The following SCN11A variants were observed in gnomAD, a reference collection of about 807,000 sequenced individuals.
SCN11A encodes the protein sodium channel protein type 11 subunit alpha.
Under a neutral mutation model 162.2 loss-of-function variants are expected in SCN11A, and 122 were observed. The ratio of observed to expected loss-of-function variants is 0.75; its 90% CI spans 0.65 to 0.87. The LOEUF (loss-of-function observed/expected upper bound fraction) is 0.87, where lower values mean the gene tolerates loss of function less well. Among genes scored for constraint, SCN11A ranks in the 40% least tolerant of loss-of-function variants. SCN11A has a pLI of 0.00. For synonymous variants in SCN11A, 758 were observed against 751.5 expected, an observed-to-expected ratio of 1.01 and a Z score of -0.14; for missense variants, 2,015 against 2,181.6, an observed-to-expected ratio of 0.92 and a Z score of 1.52.
chr3:39,019,204 T>C (rs1337241934), intron 2 of SCN11A, among the ~76,000 whole-genome samples: 2 of 152,148 alleles, frequency 1.3e-5, no homozygotes, highest in Non-Finnish European at 2.9e-5. Context: ...GAACCTAAGA[T>C]TGGCCTTTTG....
At chr3:38,924,662 T>A (rs573956123) in intron 9 of SCN11A, among the ~76,000 whole-genome samples, 1 of 152,080 alleles carries the variant, frequency 6.6e-6, no homozygotes, top group Non-Finnish European at 1.5e-5. Context: ...AGTGAGCCAC[T>A]GCACCTGGCC....
chr3:38,934,436 G>A (rs1386842775), intron 7 of SCN11A, among the ~76,000 whole-genome samples: 1 of 152,146 alleles, frequency 6.6e-6, no homozygotes, highest in African/African-American at 2.4e-5. Context: ...TGGCAAATTG[G>A]ATAAAGAGTC....
At position 38,894,717 on chromosome 3, in the gene SCN11A, A is replaced by T; in HGVS notation, c.2651T>A (p.Val884Asp). ...AAQSKDIIPL[V>D]MEMKRGSETQ... is the part of the protein sequence containing the mutation. ...CTCTGAGCCCCTTTTCATCTCCATGACCAGGGGAATGATGTCTTTGCTTTG... is the reference window on the plus strand; with the variant it reads ...CTCTGAGCCCCTTTTCATCTCCATGTCCAGGGGAATGATGTCTTTGCTTTG... The change falls in exon 19 of 30, where the codon GTC becomes GAC. Residue 884 changes from valine to aspartate, a missense_variant. Val to Asp is a radical substitution (Grantham distance 152, BLOSUM62 -3). Coordinates refer to ENST00000302328, the MANE Select transcript of SCN11A (RefSeq NM_001349253.2). The T allele has an allele frequency of 6.2e-7, 1 of 1,614,104 alleles. No homozygotes were observed. Among genetic ancestry groups the T allele is most frequent in the Non-Finnish European group, 8.5e-7 (1 of 1,179,990 alleles).
Position 38,905,271 on chromosome 3 carries a change from G to T in SCN11A, c.1524C>A (p.Asp508Glu). The T allele has an allele frequency of 1.2e-6, 2 of 1,614,066 alleles. No homozygotes were observed. Among genetic ancestry groups the T allele is most frequent in the Non-Finnish European group, 1.7e-6 (2 of 1,179,960 alleles). ...TKRLSQNLSLDHFDEHGDPLQ... is the reference protein window; with the variant it reads ...TKRLSQNLSLEHFDEHGDPLQ... The stretch of plus-strand genomic sequence containing the variant: ...GAGGATCTCCATGCTCATCAAAGTG[G>T]TCCAGTGATAGATTCTGGGACAGTC... The change falls in exon 15 of 30, where the codon GAC (aspartate) becomes GAA (glutamate). Residue 508 changes from aspartate to glutamate, a missense_variant. Transcript: ENST00000302328.
chr3:38,999,498 A>C (rs1040276614), intron 2 of SCN11A, among the ~76,000 whole-genome samples: 6 of 152,130 alleles, frequency 3.9e-5, no homozygotes, highest in Non-Finnish European at 5.9e-5. Context: ...TGAAGACTCT[A>C]TTATGTCATC....
At chr3:38,891,798 A>G (rs2065504485) in intron 19 of SCN11A, among the ~76,000 whole-genome samples, 1 of 152,218 alleles carries the variant, frequency 6.6e-6, no homozygotes, top group Admixed American at 6.5e-5. Context: ...TCCATTCATG[A>G]GACCAGAGTC....
intron 18 of SCN11A, among the ~76,000 whole-genome samples, chr3:38,895,524 T>A (rs1452476707): frequency 6.6e-6 from 1 of 152,238 alleles, no homozygotes; most frequent in Non-Finnish European, 1.5e-5. Context: ...CAAATTCACA[T>A]AATCCCAATA....
chr3:38,940,642 C>A (rs768726229), intron 7 of SCN11A, among the ~76,000 whole-genome samples: 18 of 151,996 alleles, frequency 1.2e-4, no homozygotes, highest in Non-Finnish European at 2.5e-4. Context: ...ATTTATGACA[C>A]CCTACCCTTG....
chr3:38,894,378 G>A (rs1406708844), intron 19 of SCN11A, among the ~76,000 whole-genome samples, 155 bp downstream of exon 19: 6 of 152,114 alleles, frequency 3.9e-5, no homozygotes, highest in African/African-American at 1.4e-4. Flanking sequence ...CCACAATAAA[G>A]AACCTGTCCT....
At chr3:38,923,571 T>C (rs1304867676) in intron 9 of SCN11A, among the ~76,000 whole-genome samples, 1 of 152,210 alleles carries the variant, frequency 6.6e-6, no homozygotes, top group Non-Finnish European at 1.5e-5. Flanking sequence ...GCTCACACCA[T>C]GTATACAATT....
At position 38,946,911 on chromosome 3, in the gene SCN11A, C is replaced by G. The variant is rs1163666407; in HGVS notation, c.268-4G>C. 2.6e-6 allele frequency: 4 copies of G among 1,544,044 alleles called. No homozygotes were observed. ...TTCTGTTTAACACCATAAATGTCTG[C>G]AAAACAAAAAAAACAATACAAGAAA... is the stretch of plus-strand genomic sequence containing the variant. On this transcript the variant is annotated splice_region_variant and splice_polypyrimidine_tract_variant and intron_variant, in intron 5 of 29. Transcript: ENST00000302328.
intron 2 of SCN11A, among the ~76,000 whole-genome samples, chr3:38,978,849 C>T (rs964236495): frequency 1.3e-5 from 2 of 152,176 alleles, no homozygotes; most frequent in African/African-American, 4.8e-5. Context: ...CAGCAGCCTT[C>T]TTTCTGTCCT....
intron 15 of SCN11A, 143 bp from the exon 16 acceptor site, chr3:38,904,246 A>T: frequency 1.9e-6 from 1 of 540,494 alleles, no homozygotes; most frequent in East Asian, 3.2e-5. Context: ...GTGTAGTCAG[A>T]AAGGTTTTTC....
rs2066592314 is a variant in SCN11A, at chr3:38,950,284, T to C, written c.79A>G (p.Ile27Val). ...TTTTGGATGGCAATCCGCTTCTCAA[T>C]TGCAGCCAGAGAGTCGGAAGTGAAG... ...RPFTSDSLAA[I>V]EKRIAIQKEK... Residue 27 changes from isoleucine (I) to valine (V), a missense_variant, in exon 5 of 30, where the codon ATT becomes GTT. Coordinates refer to ENST00000302328, the MANE Select transcript of SCN11A (RefSeq NM_001349253.2). 4 of 1,613,826 alleles carry C rather than the reference T, an allele frequency of 2.5e-6. No individual in the cohort carries two copies. The highest frequency in any genetic ancestry group is 3.4e-6 in the Non-Finnish European group (4 of 1,179,956).
intron 2 of SCN11A, among the ~76,000 whole-genome samples, chr3:38,965,087 C>T (rs570746987): frequency 2.0e-5 from 3 of 152,302 alleles, no homozygotes; most frequent in African/African-American, 4.8e-5. Flanking sequence ...TCTTCAGAGA[C>T]AGCTCTGAGG....
intron 2 of SCN11A, among the ~76,000 whole-genome samples, chr3:38,994,685 G>A (rs1218902811): frequency 6.6e-6 from 1 of 152,188 alleles, no homozygotes; most frequent in Non-Finnish European, 1.5e-5. Context: ...GGATCATGGA[G>A]GGGTTTGTCA....
intron 2 of SCN11A, among the ~76,000 whole-genome samples, chr3:38,975,293 A>C (rs1481418371): frequency 6.6e-6 from 1 of 152,116 alleles, no homozygotes; most frequent in Non-Finnish European, 1.5e-5. Context: ...TGGTGAGTAA[A>C]AACGTAGGTG....
At position 39,012,498 on chromosome 3, in the gene SCN11A, T is replaced by C. The variant is rs867189906; in HGVS notation, c.-280+19882A>G. Among the ~76,000 whole-genome samples the C allele has an allele frequency of 3.3e-4, 50 of 150,518 alleles. 1 individual carries two copies. The Middle Eastern group carries it at 0.014, about 41-fold the overall frequency. On this transcript the variant is annotated intron_variant, in intron 2 of 29. Coordinates refer to ENST00000302328, the MANE Select transcript of SCN11A (RefSeq NM_001349253.2). ...TCTTTCTCTCTTTCTTTTTTTTTTT[T>C]TTGACAGAATCTTGTTCTGTTGCCC...
intron 27 of SCN11A, among the ~76,000 whole-genome samples, chr3:38,864,074 C>A (rs1416054869): frequency 6.6e-6 from 1 of 152,032 alleles, no homozygotes; most frequent in Non-Finnish European, 1.5e-5. Context: ...TACGCAAAGA[C>A]AGGAGAGGCA....
Sources: allele counts gnomAD v4.1 joint callset (sites outside exome capture counted in the v4.1 genomes callset), GRCh38; gene constraint gnomAD v4.1.1; transcripts MANE v1.5; gene names NCBI Gene and HGNC (gene_info 2026-07-23, HGNC 2026-07-21).